The following SLC35F4 variants were observed in gnomAD, a reference collection of about 807,000 sequenced individuals.
SLC35F4 encodes the protein solute carrier family 35 member F4, also known as chromosome 14 open reading frame 36.
Under a neutral mutation model 44.2 loss-of-function variants are expected in SLC35F4, and 24 were observed. The ratio of observed to expected loss-of-function variants is 0.54; its 90% confidence interval spans 0.39 to 0.76. The LOEUF (loss-of-function observed/expected upper bound fraction) is 0.76, where lower values mean the gene tolerates loss of function less well. Among genes scored for constraint, SLC35F4 ranks in the 30% least tolerant of loss-of-function variants. SLC35F4 has a pLI of 0.00. For synonymous variants in SLC35F4, 238 were observed against 223.6 expected, an observed-to-expected ratio of 1.06 and a Z score of -0.57; for missense variants, 562 against 586.1, an observed-to-expected ratio of 0.96 and a Z score of 0.42.
intron 1 of SLC35F4, among the ~76,000 whole-genome samples, chr14:57,962,152 A>C: frequency 6.6e-6 from 1 of 152,250 alleles, no homozygotes; most frequent in East Asian, 1.9e-4. Flanking sequence ...CTTGCAGTTT[A>C]AAAACTTCTT....
intron 1 of SLC35F4, among the ~76,000 whole-genome samples, chr14:57,981,755 G>A (rs958991981): frequency 1.6e-4 from 24 of 152,048 alleles, no homozygotes; most frequent in Admixed American, 2.0e-4. Context: ...TATATAGTTC[G>A]GAAAATAAAT....
chr14:57,575,238 G>A (rs1016599484), intron 4 of SLC35F4, among the ~76,000 whole-genome samples: 1 of 152,210 alleles, frequency 6.6e-6, no homozygotes, highest in Non-Finnish European at 1.5e-5. Flanking sequence ...AGCACTTTGG[G>A]AGGCCCAGGT....
chr14:57,858,546 G>A (rs1887354375), intron 1 of SLC35F4, among the ~76,000 whole-genome samples: 1 of 151,828 alleles, frequency 6.6e-6, no homozygotes, highest in Non-Finnish European at 1.5e-5. Flanking sequence ...TGGGGGAGTG[G>A]GGAGGGATAG....
chr14:57,931,050 G>GA lies in SLC35F4; in HGVS notation n.282+50862dup, dbSNP rs1305857659. Among the ~76,000 whole-genome samples the GA allele has an allele frequency of 2.6e-5, 4 of 152,204 alleles. No individual in the cohort carries two copies. In the East Asian group the frequency reaches 7.7e-4, roughly 29 times the overall value. ...TTAAAGTGTAGATAATATTAGAACT[G>GA]AAAAAATCCCTTGAAATCAACTGTT... On this transcript the variant is annotated intron_variant and non_coding_transcript_variant, in intron 1 of 1. Transcript: ENST00000556568.
intron 1 of SLC35F4, among the ~76,000 whole-genome samples, chr14:57,980,910 G>T (rs1468594568): frequency 1.3e-5 from 2 of 152,162 alleles, no homozygotes; most frequent in South Asian, 4.1e-4. Flanking sequence ...CTTTTGGAAG[G>T]TGCTTTAAAA....
chr14:57,754,570 T>C (rs532615545), intron 1 of SLC35F4, among the ~76,000 whole-genome samples: 31 of 152,298 alleles, frequency 2.0e-4, no homozygotes, highest in African/African-American at 7.0e-4. Flanking sequence ...CTAGCTCCCT[T>C]TCAAGGCCAG....
intron 1 of SLC35F4, among the ~76,000 whole-genome samples, chr14:57,688,146 T>G (rs1566764302): frequency 6.6e-6 from 1 of 151,550 alleles, no homozygotes. Flanking sequence ...ATTAAAAGGA[T>G]GGGTTACTAA....
intron 1 of SLC35F4, among the ~76,000 whole-genome samples, chr14:57,855,295 A>G (rs1886973186): frequency 6.6e-6 from 1 of 152,234 alleles, no homozygotes; most frequent in Non-Finnish European, 1.5e-5. Flanking sequence ...CACCTGACAA[A>G]GGACTAATAA....
intron 1 of SLC35F4, among the ~76,000 whole-genome samples, chr14:57,627,278 T>C (rs931177462): frequency 1.3e-5 from 2 of 152,148 alleles, no homozygotes; most frequent in Non-Finnish European, 2.9e-5. Flanking sequence ...AGATTGGCAT[T>C]TATCTTCGTA....
chr14:57,595,339 A>G lies in SLC35F4; in HGVS notation c.104-1215T>C, dbSNP rs181621086. On this transcript the variant is annotated intron_variant, in intron 1 of 7. Transcript: ENST00000556826. The stretch of plus-strand genomic sequence containing the variant: ...TTCTCATCATATAGTATCAGTCATG[A>G]CATGCTACCAACATGACTTGTTATT... Among the ~76,000 whole-genome samples, 588 of 152,302 alleles carry G rather than the reference A, an allele frequency of 3.9e-3. 3 individuals are homozygous for G. Among genetic ancestry groups the G allele is most frequent in the African/African-American group, 0.014 (575 of 41,560 alleles).
chr14:57,636,091 A>G (rs1486811737), intron 1 of SLC35F4, among the ~76,000 whole-genome samples: 1 of 152,144 alleles, frequency 6.6e-6, no homozygotes, highest in Non-Finnish European at 1.5e-5. Flanking sequence ...CAGCAAACCA[A>G]TGTTTGCTTC....
intron 1 of SLC35F4, among the ~76,000 whole-genome samples, chr14:57,656,443 C>T (rs1166822874): frequency 1.3e-5 from 2 of 151,596 alleles, no homozygotes; most frequent in Non-Finnish European, 2.9e-5. Flanking sequence ...TATATGTGCT[C>T]AGAGGACATT....
At chr14:57,831,339 C>T (rs1380980164) in intron 1 of SLC35F4, among the ~76,000 whole-genome samples, 1 of 152,148 alleles carries the variant, frequency 6.6e-6, no homozygotes, top group African/African-American at 2.4e-5. Context: ...GACTTCCCAG[C>T]CTCCAGAACT....
Position 57,588,812 on chromosome 14 carries a change from T to G in SLC35F4, c.587+404A>C, listed in dbSNP as rs1412896616. ...TAATACCATTTTTTTCTGGGCTTGA[T>G]GCACTGGGATGTTCTTATAAAACAC... On this transcript the variant is annotated intron_variant, in intron 3 of 7. Coordinates refer to ENST00000556826, the MANE Select transcript of SLC35F4 (RefSeq NM_001306087.2). Among the ~76,000 whole-genome samples, 6 of 152,198 alleles carry G rather than the reference T, an allele frequency of 3.9e-5. No homozygotes were observed. In the East Asian group the frequency reaches 1.2e-3, roughly 29 times the overall value.
intron 1 of SLC35F4, among the ~76,000 whole-genome samples, chr14:57,907,912 C>T (rs1889135997): frequency 6.6e-6 from 1 of 151,644 alleles, no homozygotes; most frequent in Non-Finnish European, 1.5e-5. Flanking sequence ...TTTGCTGCAC[C>T]TATTGACCCG....
intron 1 of SLC35F4, among the ~76,000 whole-genome samples, chr14:57,831,972 G>A (rs551723164): frequency 1.3e-5 from 2 of 152,194 alleles, no homozygotes; most frequent in Non-Finnish European, 1.5e-5. Flanking sequence ...AACTCTCCAA[G>A]CCAGCAAAGA....
At chr14:57,574,793 A>G (rs1370569108) in intron 4 of SLC35F4, among the ~76,000 whole-genome samples, 2 of 152,192 alleles carry the variant, frequency 1.3e-5, no homozygotes, top group Non-Finnish European at 2.9e-5. Context: ...TTAACTTTAG[A>G]GAGTAAATAC....
In SLC35F4 at chr14:57,626,228, G is replaced by A. The variant is rs899944002; in HGVS notation, c.104-32104C>T. ...AGAGAAATACGTAATGTAAATGACGGGTTGATGGGTGCAGCAAACTGCCAT... is the reference window on the plus strand; with the variant it reads ...AGAGAAATACGTAATGTAAATGACGAGTTGATGGGTGCAGCAAACTGCCAT... On this transcript the variant is annotated intron_variant, in intron 1 of 7. Transcript: ENST00000556826. Among the ~76,000 whole-genome samples the A allele has an allele frequency of 4.2e-5, 6 of 144,424 alleles. 1 individual carries two copies. In the South Asian group the frequency reaches 7.1e-4, roughly 17 times the overall value. The allele number at this position is 144,424 out of a possible 152,430, so 94.7% of individuals were successfully genotyped here. A position where few individuals can be genotyped will look rare whatever the true frequency, so the allele number is the denominator to read the frequency against.
intron 1 of SLC35F4, among the ~76,000 whole-genome samples, chr14:57,626,759 A>C (rs1033987518): frequency 3.9e-5 from 6 of 152,184 alleles, no homozygotes; most frequent in Admixed American, 1.3e-4. Flanking sequence ...AGGTACAATC[A>C]ATCATATTCA....
Sources: gnomAD v4.1 joint callset for allele counts (sites outside exome capture counted in the v4.1 genomes callset) on GRCh38, gnomAD v4.1.1 for gene constraint, MANE v1.5 for transcripts, NCBI Gene and HGNC (gene_info 2026-07-23, HGNC 2026-07-21) for gene names.